The following L3MBTL4 variants were observed in gnomAD, a reference collection of about 807,000 sequenced individuals.
The protein encoded by L3MBTL4 is L3MBTL histone methyl-lysine binding protein 4.
A neutral mutation model predicts 84.5 loss-of-function variants in L3MBTL4; 70 were observed. The observed-to-expected ratio is 0.83, with a 90% confidence interval of 0.68 to 1.01. The LOEUF is 1.01. Ranked by LOEUF, L3MBTL4 falls within the 50% of genes least tolerant of loss-of-function variation. The pLI is 0.00. For synonymous variants in L3MBTL4, 274 were observed against 259.8 expected (o/e 1.05, Z -0.52); for missense variants, 715 against 754.8 (o/e 0.95, Z 0.62).
At chr18:6,031,826 T>A (rs62815061) in intron 16 of L3MBTL4, 26 of 803,730 alleles carry the variant, frequency 3.2e-5, no homozygotes, top group African/African-American at 1.5e-4. Flanking sequence ...TTTTTTTTTT[T>A]AATTTCACAG....
chr18:6,288,953 C>T (rs1364439738), intron 4 of L3MBTL4, among the ~76,000 whole-genome samples: 1 of 151,420 alleles, frequency 6.6e-6, no homozygotes, highest in Non-Finnish European at 1.5e-5. Flanking sequence ...AATATAAGTC[C>T]CTTCTTGCGT....
At chr18:6,140,473 A>G (rs2144670251) in intron 13 of L3MBTL4, among the ~76,000 whole-genome samples, 1 of 152,270 alleles carries the variant, frequency 6.6e-6, no homozygotes, top group East Asian at 1.9e-4. Flanking sequence ...AGGTGTTATC[A>G]AAACACCGGT....
intron 1 of L3MBTL4, among the ~76,000 whole-genome samples, chr18:6,333,313 G>A (rs941635723): frequency 6.6e-6 from 1 of 152,144 alleles, no homozygotes; most frequent in Admixed American, 6.5e-5. Context: ...GGTGGCTCAT[G>A]CCTGTAATCC....
chr18:6,216,896 T>C (rs2046349707), intron 10 of L3MBTL4, among the ~76,000 whole-genome samples: 1 of 152,142 alleles, frequency 6.6e-6, no homozygotes, highest in Non-Finnish European at 1.5e-5. Flanking sequence ...ATTCCTGCTT[T>C]TGAGGTTTGA....
intron 16 of L3MBTL4, among the ~76,000 whole-genome samples, chr18:6,006,647 T>C (rs972520793): frequency 2.6e-5 from 4 of 152,148 alleles, no homozygotes; most frequent in African/African-American, 4.8e-5. Context: ...TATCAAACCT[T>C]CAGAAAGGAG....
intron 8 of L3MBTL4, among the ~76,000 whole-genome samples, chr18:6,240,655 C>T (rs2047413525): frequency 6.6e-6 from 1 of 152,266 alleles, no homozygotes; most frequent in Admixed American, 6.5e-5. Flanking sequence ...TTTTTATTCT[C>T]CTTCAGCACA....
At chr18:6,264,171 A>T (rs1412569113) in intron 4 of L3MBTL4, 133 bp from the exon 5 acceptor site, 1 of 648,572 alleles carries the variant, frequency 1.5e-6, no homozygotes, top group Non-Finnish European at 2.7e-6. Flanking sequence ...AACTAAGAAG[A>T]GTCTTCTCTC....
chr18:6,329,123 CTGTTTCTTT>C (rs148624955), intron 1 of L3MBTL4, among the ~76,000 whole-genome samples: 39,502 of 145,958 alleles, frequency 0.27, 7,075 homozygotes, highest in African/African-American at 0.51. Flanking sequence ...TAGATGACTT[CTGTTTCTTT>C]TGTTTCTTTT....
At chr18:6,057,594 T>C (rs141039447) in intron 16 of L3MBTL4, among the ~76,000 whole-genome samples, 318 of 151,936 alleles carry the variant, frequency 2.1e-3, no homozygotes, top group African/African-American at 7.1e-3. Flanking sequence ...TTTCTGAACC[T>C]CAAAATCACT....
chr18:6,174,941 G>A (rs2044159532), intron 12 of L3MBTL4, among the ~76,000 whole-genome samples: 1 of 150,598 alleles, frequency 6.6e-6, no homozygotes, highest in African/African-American at 2.4e-5. Context: ...TCTAACATAC[G>A]CATATTTGGA....
At chr18:6,182,027 G>A (rs533159703) in intron 12 of L3MBTL4, among the ~76,000 whole-genome samples, 2 of 152,282 alleles carry the variant, frequency 1.3e-5, no homozygotes, top group African/African-American at 4.8e-5. Context: ...TAATGGGACT[G>A]CTGGGTTGAA....
At chr18:6,211,739 C>T (rs1568321805) in intron 12 of L3MBTL4, among the ~76,000 whole-genome samples, 1 of 151,734 alleles carries the variant, frequency 6.6e-6, no homozygotes, top group Non-Finnish European at 1.5e-5. Flanking sequence ...ACCTCTGCCT[C>T]CCAGGCTCAA....
At chr18:6,123,696 A>G (rs1352841720) in intron 14 of L3MBTL4, among the ~76,000 whole-genome samples, 1 of 152,222 alleles carries the variant, frequency 6.6e-6, no homozygotes, top group East Asian at 1.9e-4. Context: ...TATTTTAACT[A>G]AAAACGAAGT....
chr18:6,042,021 A>G (rs533046841), intron 16 of L3MBTL4, among the ~76,000 whole-genome samples: 1 of 152,188 alleles, frequency 6.6e-6, no homozygotes, highest in South Asian at 2.1e-4. Context: ...CCACCCGGCC[A>G]TCTGTGAACC....
intron 16 of L3MBTL4, among the ~76,000 whole-genome samples, chr18:5,977,200 C>A (rs2052982415): frequency 6.6e-6 from 1 of 152,220 alleles, no homozygotes; most frequent in South Asian, 2.1e-4. Context: ...GACTGAGAGG[C>A]CCCTCCTCCC....
intron 14 of L3MBTL4, among the ~76,000 whole-genome samples, chr18:6,123,915 G>A (rs2059606171): frequency 6.6e-6 from 1 of 152,198 alleles, no homozygotes; most frequent in African/African-American, 2.4e-5. Context: ...ATGTTTATGT[G>A]TTGGGATCAA....
intron 16 of L3MBTL4, chr18:6,029,487 C>G: frequency 1.0e-6 from 1 of 977,112 alleles, no homozygotes; most frequent in Non-Finnish European, 1.2e-6. Flanking sequence ...ATGTAATACA[C>G]AGAAATATAC....
At chr18:6,093,580 G>A (rs1273998227) in intron 14 of L3MBTL4, 52 bp from the exon 15 acceptor site, 2 of 1,460,466 alleles carry the variant, frequency 1.4e-6, no homozygotes, top group Non-Finnish European at 1.8e-6. Context: ...TGATAAATCA[G>A]GGATCCATTG....
chr18:6,095,251 A>C (rs573257338), intron 14 of L3MBTL4, among the ~76,000 whole-genome samples: 1 of 152,288 alleles, frequency 6.6e-6, no homozygotes, highest in Non-Finnish European at 1.5e-5. Flanking sequence ...ACACAGTGTA[A>C]GCAACTTTAC....
Sources: allele counts gnomAD v4.1 joint callset (sites outside exome capture counted in the v4.1 genomes callset), GRCh38; gene constraint gnomAD v4.1.1; transcripts MANE v1.5; gene names NCBI Gene and HGNC (gene_info 2026-07-23, HGNC 2026-07-21).